Variants in NRG1 observed in about 807,000 individuals in gnomAD.
NRG1 encodes the protein neuregulin 1.
NRG1 carries 18 observed loss-of-function variants against 63.8 expected under a neutral mutation model. That is an observed-to-expected ratio of 0.28 (90% CI 0.19 to 0.42). The LOEUF (loss-of-function observed/expected upper bound fraction) is 0.42, where lower values mean the gene tolerates loss of function less well. Ranked by LOEUF, NRG1 falls within the 10% of genes least tolerant of loss-of-function variation. The pLI, the probability that NRG1 is intolerant of heterozygous loss-of-function variation, is 1.00. For missense variants in NRG1, 762 were observed against 814.7 expected, an observed-to-expected ratio of 0.94 and a Z score of 0.79; for synonymous variants, 302 against 301.3, an observed-to-expected ratio of 1.00 and a Z score of -0.02.
intron 1 of NRG1, among the ~76,000 whole-genome samples, chr8:32,189,921 A>C (rs1842324617): frequency 6.6e-6 from 1 of 152,290 alleles, no homozygotes; most frequent in African/African-American, 2.4e-5. Context: ...AGACATCATC[A>C]GTGCTCATGT....
intron 1 of NRG1, among the ~76,000 whole-genome samples, chr8:31,785,272 A>G (rs559792733): frequency 1.3e-5 from 2 of 152,226 alleles, no homozygotes; most frequent in African/African-American, 4.8e-5. Context: ...GTTGTCCTTC[A>G]AGGATTGGCA....
chr8:31,930,496 A>G (rs75145585), intron 1 of NRG1, among the ~76,000 whole-genome samples: 2,556 of 152,248 alleles, frequency 0.017, 63 homozygotes, highest in African/African-American at 0.058. Flanking sequence ...GTTTACCTTG[A>G]TTAACCATCT....
chr8:32,198,260 C>T (rs1312968849), intron 1 of NRG1, among the ~76,000 whole-genome samples: 1 of 152,122 alleles, frequency 6.6e-6, no homozygotes. Flanking sequence ...TCACTGCAAC[C>T]TCTGCCTCCT....
At chr8:31,730,533 G>T (rs60246398) in intron 1 of NRG1, among the ~76,000 whole-genome samples, 103,310 of 151,932 alleles carry the variant, frequency 0.68, 35,487 homozygotes, top group African/African-American at 0.77. Context: ...GATAGATTGG[G>T]GAACAGATGG....
intron 1 of NRG1, among the ~76,000 whole-genome samples, chr8:32,549,137 C>G (rs1000185266): frequency 6.6e-6 from 1 of 152,224 alleles, no homozygotes; most frequent in Non-Finnish European, 1.5e-5. Context: ...AGCGGCTGAG[C>G]CCAGCCCGGG....
In NRG1 at chr8:32,394,023, C is replaced by A. The variant is rs138143269; in HGVS notation, c.38-201805C>A. Among the ~76,000 whole-genome samples, 382 of 152,198 alleles carry A rather than the reference C, an allele frequency of 2.5e-3. 1 individual carries two copies. The highest frequency in any genetic ancestry group is 8.9e-3 in the African/African-American group (368 of 41,502). ...TTTATATTCTGTAGGCCTTATCGTG[C>A]ATCTCTTATTCCTTCTAAATATGTT... On this transcript the variant is annotated intron_variant, in intron 1 of 10. Coordinates refer to the NRG1 transcript ENST00000519301.
chr8:31,776,175 G>A (rs1417213474), intron 1 of NRG1, among the ~76,000 whole-genome samples: 1 of 152,172 alleles, frequency 6.6e-6, no homozygotes, highest in Non-Finnish European at 1.5e-5. Flanking sequence ...AACTCGAGGG[G>A]TTGGCCAAAG....
chr8:32,236,149 A>ATG (rs3055524), intron 1 of NRG1, among the ~76,000 whole-genome samples: 6 of 149,898 alleles, frequency 4.0e-5, no homozygotes, highest in Non-Finnish European at 6.0e-5. Context: ...GTGTGTGTGA[A>ATG]TGTGTGTGTG....
chr8:32,341,357 G>T (rs909316629), intron 1 of NRG1, among the ~76,000 whole-genome samples: 2 of 152,204 alleles, frequency 1.3e-5, no homozygotes, highest in African/African-American at 2.4e-5. Flanking sequence ...TGGCAGAGAA[G>T]AGAGAGGAAT....
intron 5 of NRG1, among the ~76,000 whole-genome samples, chr8:32,656,189 G>T (rs1801451155): frequency 2.6e-5 from 4 of 151,852 alleles, no homozygotes. Context: ...AAATAAAGGG[G>T]AAAATTATTT....
In NRG1 at chr8:31,640,365, G is replaced by A. The variant is rs748863065; in HGVS notation, c.37+934G>A. 19 of 1,251,502 alleles carry A rather than the reference G, an allele frequency of 1.5e-5. No individual in the cohort carries two copies. The South Asian group carries it at 4.1e-4, about 27-fold the overall frequency. The allele number at this position is 1,251,502 out of a possible 1,614,324, so 77.5% of individuals were successfully genotyped here. A position where few individuals can be genotyped will look rare whatever the true frequency, so the allele number is the denominator to read the frequency against. ...CCGCGGGCCCACGGGCGCTGGGGCC[G>A]CCCGCCGAGGAGCCGCTGCTCGCCG... On this transcript the variant is annotated intron_variant, in intron 1 of 10. Transcript: ENST00000519301. This position sits in a 1 kb window ranked among gnomAD's most constrained non-coding sequence, Gnocchi z 6.3.
At chr8:32,456,998 G>A (rs904234829) in intron 1 of NRG1, among the ~76,000 whole-genome samples, 2 of 152,108 alleles carry the variant, frequency 1.3e-5, no homozygotes, top group African/African-American at 2.4e-5. Context: ...TGGGCGTGGT[G>A]GTGGGTGCCT....
At chr8:32,104,188 C>T (rs1342552048) in intron 1 of NRG1, among the ~76,000 whole-genome samples, 1 of 152,210 alleles carries the variant, frequency 6.6e-6, no homozygotes, top group African/African-American at 2.4e-5. Flanking sequence ...TAGCCTCTTA[C>T]TCCTAGGCTA....
chr8:31,733,263 A>G (rs989149004), intron 1 of NRG1, among the ~76,000 whole-genome samples: 1 of 151,146 alleles, frequency 6.6e-6, no homozygotes, highest in African/African-American at 2.4e-5. Context: ...TGTTGTGAGT[A>G]GTGCTGTGTT....
chr8:32,686,551 T>C (rs1810178148), intron 5 of NRG1, among the ~76,000 whole-genome samples: 1 of 152,064 alleles, frequency 6.6e-6, no homozygotes, highest in Non-Finnish European at 1.5e-5. Context: ...ACTCAGAAGG[T>C]ATAAAAGAAA....
chr8:31,826,640 A>G (rs1213885579), intron 1 of NRG1, among the ~76,000 whole-genome samples: 1 of 152,160 alleles, frequency 6.6e-6, no homozygotes, highest in Non-Finnish European at 1.5e-5. Flanking sequence ...GCCTGGAATA[A>G]CATCACTGGG....
chr8:32,236,401 A>C (rs1038513813), intron 1 of NRG1, among the ~76,000 whole-genome samples: 1 of 152,180 alleles, frequency 6.6e-6, no homozygotes, highest in Admixed American at 6.5e-5. Context: ...TGCTCTAGAA[A>C]CGTGAAAAAT....
intron 1 of NRG1, among the ~76,000 whole-genome samples, chr8:32,433,700 C>A (rs1468997785): frequency 1.3e-5 from 2 of 152,114 alleles, no homozygotes; most frequent in Non-Finnish European, 2.9e-5. Flanking sequence ...CTCATCTATG[C>A]AGCTCTAAAT....
At chr8:32,688,101 G>A (rs1461341860) in intron 5 of NRG1, among the ~76,000 whole-genome samples, 1 of 152,158 alleles carries the variant, frequency 6.6e-6, no homozygotes, top group Non-Finnish European at 1.5e-5. Context: ...TCTTACAGAA[G>A]AAAATAGGAA....
Sources: gnomAD v4.1 joint callset for allele counts (sites outside exome capture counted in the v4.1 genomes callset) on GRCh38, gnomAD v4.1.1 for gene constraint, Gnocchi (gnomAD v3.1) non-coding constraint, MANE v1.5 for transcripts, NCBI Gene and HGNC (gene_info 2026-07-23, HGNC 2026-07-21) for gene names.